Variants in TANC2 observed in about 807,000 individuals in gnomAD.
The protein encoded by TANC2 is tetratricopeptide repeat, ankyrin repeat and coiled-coil containing 2, also known as protein TANC2.
TANC2 carries 26 observed loss-of-function variants against 210.5 expected under a neutral mutation model. The observed-to-expected ratio is 0.12, with a 90% CI of 0.09 to 0.17. The LOEUF is 0.17. TANC2 is among the 10% of genes least tolerant of loss of function. TANC2 has a pLI of 1.00. For missense variants in TANC2, 2,129 were observed against 2,608.9 expected (o/e 0.82, Z 4.01); for synonymous variants, 931 against 967.1 (o/e 0.96, Z 0.69).
At chr17:63,131,096 G>T (rs1043407659) in intron 4 of TANC2, 1 of 152,274 alleles carries the variant, frequency 6.6e-6, no homozygotes, top group African/African-American at 2.4e-5. Flanking sequence ...GGCTTTTCAA[G>T]AATTGTGTCT....
intron 9 of TANC2, among the ~76,000 whole-genome samples, chr17:63,303,106 G>T (rs1006326464): frequency 6.6e-6 from 1 of 152,152 alleles, no homozygotes; most frequent in Admixed American, 6.5e-5. Context: ...TACATTTAAG[G>T]TTAATACTGT....
chr17:63,048,539 G>A (rs866825371), intron 2 of TANC2, among the ~76,000 whole-genome samples: 1 of 152,128 alleles, frequency 6.6e-6, no homozygotes, highest in South Asian at 2.1e-4. Context: ...AGTTATCCCA[G>A]TACCATTTGT....
chr17:63,310,504 AC>A (rs1191211537), intron 9 of TANC2, among the ~76,000 whole-genome samples: 5 of 152,116 alleles, frequency 3.3e-5, no homozygotes, highest in African/African-American at 1.2e-4. Context: ...AAGGCAAAGA[AC>A]TGAGAAAATT....
In TANC2 at chr17:63,009,531, T is replaced by G; in HGVS notation, c.-23-6T>G. On this transcript the variant is annotated splice_region_variant and splice_polypyrimidine_tract_variant and intron_variant, in intron 1 of 27. Coordinates refer to ENST00000689528, the Ensembl canonical transcript of TANC2. ...TAAACACATTTTCCTATATTTTCTT[T>G]TACAGTTTTGCAGTAGAAGAGTATA... 6.2e-7 allele frequency: 1 copy of G among 1,602,034 alleles called. No individual in the cohort carries two copies. Among genetic ancestry groups the G allele is most frequent in the Non-Finnish European group, 8.5e-7 (1 of 1,170,526 alleles).
chr17:63,393,099 C>T (rs2048033110), intron 17 of TANC2, among the ~76,000 whole-genome samples: 2 of 152,192 alleles, frequency 1.3e-5, no homozygotes, highest in Non-Finnish European at 2.9e-5. Context: ...TAGTCTCCTC[C>T]AACCTGTGAG....
intron 1 of TANC2, among the ~76,000 whole-genome samples, chr17:62,979,344 CT>C (rs2032185695): frequency 6.6e-6 from 1 of 151,968 alleles, no homozygotes; most frequent in African/African-American, 2.4e-5. Context: ...AAGTAAAGAT[CT>C]TTTACCTTAT....
At chr17:63,008,571 A>G (rs57570085) in intron 1 of TANC2, among the ~76,000 whole-genome samples, 3,219 of 151,860 alleles carry the variant, frequency 0.021, 106 homozygotes, top group African/African-American at 0.072. Context: ...TGAACAAGAT[A>G]GACTAAAATA....
At chr17:63,121,639 AT>A (rs1259739328) in intron 4 of TANC2, among the ~76,000 whole-genome samples, 1 of 152,164 alleles carries the variant, frequency 6.6e-6, no homozygotes, top group Non-Finnish European at 1.5e-5. Context: ...TATAATAAAA[AT>A]GTTTCCCAAA....
chr17:63,008,415 C>G (rs2033721027), intron 1 of TANC2, among the ~76,000 whole-genome samples: 1 of 151,998 alleles, frequency 6.6e-6, no homozygotes, highest in African/African-American at 2.4e-5. Flanking sequence ...TTCTGTTGAC[C>G]TGTGTCCCAC....
At chr17:63,403,351 G>A (rs1599045254) in intron 19 of TANC2, among the ~76,000 whole-genome samples, 1 of 152,056 alleles carries the variant, frequency 6.6e-6, no homozygotes, top group African/African-American at 2.4e-5. Flanking sequence ...TAGAATGTGG[G>A]TTAGAAATTT....
intron 5 of TANC2, among the ~76,000 whole-genome samples, chr17:63,161,444 C>T (rs2040021568): frequency 6.6e-6 from 1 of 152,164 alleles, no homozygotes. Flanking sequence ...CTTCCCTCTG[C>T]ATTGCTAAAT....
intron 11 of TANC2, among the ~76,000 whole-genome samples, chr17:63,319,984 C>A (rs867052534): frequency 8.5e-5 from 13 of 152,216 alleles, no homozygotes; most frequent in Admixed American, 1.3e-4. Context: ...TTATCTATTG[C>A]TTCTTATTAT....
At chr17:63,362,478 A>G (rs1384776737) in intron 14 of TANC2, among the ~76,000 whole-genome samples, 5 of 152,084 alleles carry the variant, frequency 3.3e-5, no homozygotes, top group Non-Finnish European at 7.4e-5. Context: ...TCCTGCCACC[A>G]TCAATCATGT....
At chr17:63,078,673 A>G (rs777185372) in intron 3 of TANC2, among the ~76,000 whole-genome samples, 1 of 152,142 alleles carries the variant, frequency 6.6e-6, no homozygotes, top group African/African-American at 2.4e-5. Context: ...ATGTTGATGT[A>G]GTTTCCAAAC....
intron 4 of TANC2, among the ~76,000 whole-genome samples, chr17:63,144,100 A>G (rs540419170): frequency 3.1e-4 from 47 of 152,304 alleles, no homozygotes; most frequent in African/African-American, 1.1e-3. Flanking sequence ...TATATATTCT[A>G]GTGGGGCCTG....
At chr17:63,411,177 T>C (rs1373568435) in intron 21 of TANC2, among the ~76,000 whole-genome samples, 1 of 151,748 alleles carries the variant, frequency 6.6e-6, no homozygotes, top group Non-Finnish European at 1.5e-5. Context: ...TGCGGGAGGA[T>C]TGACGGGAGA....
chr17:63,395,779 G>A, exon 18 of TANC2: 1 of 1,613,616 alleles, frequency 6.2e-7, no homozygotes, highest in Non-Finnish European at 8.5e-7. Flanking sequence ...GTGTGCTTTG[G>A]TTCATGCTGC....
At chr17:62,967,639 G>T (rs953842402) in intron 1 of TANC2, 4 of 152,150 alleles carry the variant, frequency 2.6e-5, no homozygotes, top group Non-Finnish European at 5.9e-5. Flanking sequence ...AGTATTTTTC[G>T]TATGTGCCCT....
chr17:63,093,664 A>G (rs550103988), intron 3 of TANC2, among the ~76,000 whole-genome samples: 8 of 152,168 alleles, frequency 5.3e-5, no homozygotes, highest in Non-Finnish European at 7.3e-5. Context: ...ACTGCCTGCT[A>G]TATTTCCATT....
Sources: gnomAD v4.1 joint callset for allele counts (sites outside exome capture counted in the v4.1 genomes callset) on GRCh38, gnomAD v4.1.1 for gene constraint, MANE v1.5 for transcripts, NCBI Gene and HGNC (gene_info 2026-07-23, HGNC 2026-07-21) for gene names.